The following SPRR2F variants were observed in gnomAD, a reference collection of about 807,000 sequenced individuals.
SPRR2F encodes small proline-rich protein 2F.
Under a neutral mutation model 0.8 loss-of-function variants are expected in SPRR2F, and 2 were observed. The observed-to-expected ratio is 2.52, with a 90% CI of 1.03 to 7.95. The LOEUF (loss-of-function observed/expected upper bound fraction) is 7.95, where lower values mean the gene tolerates loss of function less well. SPRR2F is among the 30% of genes most tolerant of loss of function. The pLI is 0.04. For missense variants in SPRR2F, 80 were observed against 85.8 expected (o/e 0.93, Z 0.27); for synonymous variants, 39 against 33.4 (o/e 1.17, Z -0.58).
At chr1:153,117,304 T>C (rs1401015324), upstream of SPRR2F, among the ~76,000 whole-genome samples, 1 of 152,032 alleles carries the variant, frequency 6.6e-6, no homozygotes, top group Non-Finnish European at 1.5e-5. Flanking sequence ...TAATTGTTCT[T>C]AGTTATTTGG....
chr1:153,117,962 A>G (rs781741358), upstream of SPRR2F, among the ~76,000 whole-genome samples: 4 of 152,116 alleles, frequency 2.6e-5, no homozygotes, highest in Non-Finnish European at 4.4e-5. Flanking sequence ...GAAGTTAAAT[A>G]AAATATAAAC....
At chr1:153,112,816 T>G in intron 1 of SPRR2F, 64 bp from the exon 2 acceptor site, 1 of 1,600,192 alleles carries the variant, frequency 6.2e-7, no homozygotes, top group East Asian at 2.2e-5. Context: ...AGCCAAAGCT[T>G]ATGTAATACC....
upstream of SPRR2F, among the ~76,000 whole-genome samples, chr1:153,114,217 T>C (rs1251375702): frequency 1.3e-5 from 2 of 152,092 alleles, no homozygotes; most frequent in South Asian, 2.1e-4. Context: ...TTTCCTTTCC[T>C]CTTTGAAGCT....
At chr1:153,117,737 G>T (rs777352312), upstream of SPRR2F, among the ~76,000 whole-genome samples, 67 of 152,036 alleles carry the variant, frequency 4.4e-4, no homozygotes, top group Non-Finnish European at 8.4e-4. Context: ...TAAAAACATG[G>T]GCTAAGAAAT....
the SPRR2F span, among the ~76,000 whole-genome samples, chr1:153,119,037 G>T: frequency 6.6e-6 from 1 of 152,114 alleles, no homozygotes; most frequent in South Asian, 2.1e-4. Flanking sequence ...CTAGATAACT[G>T]TAACTTTAGG....
the SPRR2F span, among the ~76,000 whole-genome samples, chr1:153,118,655 C>T: frequency 6.6e-6 from 1 of 152,100 alleles, no homozygotes; most frequent in Non-Finnish European, 1.5e-5. Context: ...ATAACATTCT[C>T]TAATAATCAA....
chr1:153,112,628 A>C lies in SPRR2F; in HGVS notation c.106T>G (p.Cys36Gly). 1.9e-6 allele frequency: 3 copies of C among 1,612,686 alleles called. No homozygotes were observed. Among genetic ancestry groups the C allele is most frequent in the Non-Finnish European group, 2.5e-6 (3 of 1,179,850 alleles). The part of the protein sequence containing the change: ...PCPPPKCPEP[C>G]PPSKCPQSCP... ...GACTGTGGACACTTTGATGGTGGGC[A>C]GGGCTCAGGGCACTTCGGGGGTGGA... Residue 36 changes from cysteine to glycine, a missense_variant, in exon 2 of 2, where the codon TGC (cysteine) becomes GGC (glycine). Transcript: ENST00000468739.
Position 153,112,638 on chromosome 1 carries a change from G to A in SPRR2F, c.96C>T (p.Cys32=), listed in dbSNP as rs904498080. The A allele has an allele frequency of 9.9e-6, 16 of 1,612,498 alleles. No homozygotes were observed. Among genetic ancestry groups the A allele is most frequent in the Admixed American group, 3.3e-5 (2 of 59,978 alleles). Residue 32 remains cysteine, a synonymous_variant, in exon 2 of 2, where the codon TGC becomes TGT. Transcript: ENST00000468739. ...ACTTTGATGGTGGGCAGGGCTCAGG[G>A]CACTTCGGGGGTGGACATGGCTCTG... is the stretch of plus-strand genomic sequence containing the variant. ...KCPEPCPPPK[C]PEPCPPSKCP...
upstream of SPRR2F, among the ~76,000 whole-genome samples, chr1:153,114,939 G>T (rs1655692852): frequency 6.6e-6 from 1 of 152,134 alleles, no homozygotes; most frequent in Non-Finnish European, 1.5e-5. Context: ...CAAGAATGTG[G>T]TTTATAGTTG....
the SPRR2F span, among the ~76,000 whole-genome samples, chr1:153,119,465 G>A: frequency 2.6e-5 from 4 of 152,208 alleles, no homozygotes; most frequent in Non-Finnish European, 4.4e-5. Context: ...GTCAGAAGAT[G>A]TGCCAAGAAC....
chr1:153,115,194 T>C (rs1321021690), upstream of SPRR2F, among the ~76,000 whole-genome samples: 6 of 152,142 alleles, frequency 3.9e-5, no homozygotes, highest in Admixed American at 3.9e-4. Context: ...TAAGGCCAGG[T>C]ATTTACAAAT....
At chr1:153,113,549 C>T (rs1655649326), upstream of SPRR2F, 1 of 152,302 alleles carries the variant, frequency 6.6e-6, no homozygotes, top group Non-Finnish European at 1.5e-5. Context: ...CTTTATAGGG[C>T]CTGCTACCCC....
chr1:153,115,145 C>T (rs1655698079), upstream of SPRR2F, among the ~76,000 whole-genome samples: 1 of 152,160 alleles, frequency 6.6e-6, no homozygotes, highest in African/African-American at 2.4e-5. Context: ...TCACTACTGG[C>T]CAGGACAGTA....
chr1:153,114,475 GC>G (rs1655678927), upstream of SPRR2F, among the ~76,000 whole-genome samples: 6 of 152,230 alleles, frequency 3.9e-5, 1 homozygote, highest in Admixed American at 3.9e-4. Flanking sequence ...ACCCTATAGA[GC>G]ACAATCTGCA....
At chr1:153,114,755 C>T (rs1219682163), upstream of SPRR2F, among the ~76,000 whole-genome samples, 2 of 152,170 alleles carry the variant, frequency 1.3e-5, no homozygotes, top group Non-Finnish European at 2.9e-5. Flanking sequence ...CTCATCTATT[C>T]ATTTTGGTAC....
upstream of SPRR2F, among the ~76,000 whole-genome samples, chr1:153,115,401 T>C (rs1334878078): frequency 6.6e-6 from 1 of 152,164 alleles, no homozygotes; most frequent in Non-Finnish European, 1.5e-5. Context: ...GAGATCACTG[T>C]GTAAGATAAT....
upstream of SPRR2F, among the ~76,000 whole-genome samples, chr1:153,115,545 A>G (rs1333730837): frequency 6.6e-6 from 1 of 152,156 alleles, no homozygotes; most frequent in Non-Finnish European, 1.5e-5. Context: ...TCACTTTACA[A>G]GTGAACTTGA....
At chr1:153,114,204 G>A (rs2101632077), upstream of SPRR2F, among the ~76,000 whole-genome samples, 1 of 151,754 alleles carries the variant, frequency 6.6e-6, no homozygotes, top group African/African-American at 2.4e-5. Flanking sequence ...TGGATTTTAC[G>A]ATTTTCCTTT....
rs374686252 is a variant in SPRR2F at position 153,112,512 on chromosome 1, C to A, written c.*3G>T. On this transcript the variant is annotated 3_prime_UTR_variant, in exon 2 of 2. Transcript: ENST00000468739. ...TTCATGCTCCTGATGAATCCTGAAG[C>A]TGTTACTTGCTCTTGGGTGGACACT... is the stretch of plus-strand genomic sequence containing the variant. 1.2e-6 allele frequency: 2 copies of A among 1,610,584 alleles called. No individual in the cohort carries two copies. The highest frequency in any genetic ancestry group is 2.7e-5 in the African/African-American group (2 of 74,866).
Sources: gnomAD v4.1 joint callset for allele counts (sites outside exome capture counted in the v4.1 genomes callset) on GRCh38, gnomAD v4.1.1 for gene constraint, MANE v1.5 for transcripts, NCBI Gene and HGNC (gene_info 2026-07-23, HGNC 2026-07-21) for gene names.